Variants in PITRM1 observed in about 807,000 individuals in gnomAD.
The protein encoded by PITRM1 is presequence protease, mitochondrial.
Under a neutral mutation model 129.9 loss-of-function variants are expected in PITRM1, and 100 were observed. The ratio of observed to expected loss-of-function variants is 0.77; its 90% CI spans 0.65 to 0.91. The LOEUF is 0.91. Ranked by LOEUF, PITRM1 falls within the 40% of genes least tolerant of loss-of-function variation. PITRM1 has a pLI of 0.00. For synonymous variants in PITRM1, 591 were observed against 508.8 expected, an observed-to-expected ratio of 1.16 and a Z score of -2.17; for missense variants, 1,471 against 1,318.3, an observed-to-expected ratio of 1.12 and a Z score of -1.79.
rs1290108291 is a variant in PITRM1 at position 3,137,991 on chromosome 10, T to C, written c.*40A>G. ...ACTTTTCATATTCAGCTCGGAGGTG[T>C]ATTGTCTCGGGCTCCTGTGCAGTCG... On this transcript the variant is annotated 3_prime_UTR_variant, in exon 27 of 27. Transcript: ENST00000224949. 1.7e-6 allele frequency: 2 copies of C among 1,149,230 alleles called. No homozygotes were observed. The highest frequency in any genetic ancestry group is 1.3e-5 in the South Asian group (1 of 76,294). The allele number at this position is 1,149,230 out of a possible 1,614,324, so 71.2% of individuals were successfully genotyped here.
chr10:3,171,686 G>A (rs971894564), intron 1 of PITRM1, among the ~76,000 whole-genome samples: 1 of 152,278 alleles, frequency 6.6e-6, no homozygotes, highest in African/African-American at 2.4e-5. Context: ...TGGTCTGCCC[G>A]CCTTGGCCTC....
chr10:3,155,555 G>A lies in PITRM1; in HGVS notation c.1621+36C>T, dbSNP rs754060573. The A allele has an allele frequency of 9.6e-5, 155 of 1,612,528 alleles. No individual in the cohort carries two copies. In the Admixed American group the frequency reaches 2.6e-3, roughly 27 times the overall value. On this transcript the variant is annotated intron_variant, in intron 14 of 26. Transcript: ENST00000224949. ...ACAAGTCCACTAGGCCCGAGTGCAG[G>A]TTAGGGACTCGCCAGCTCGGAAGGA...
In PITRM1 at chr10:3,171,146, TTAAAAAA is replaced by T. The variant is rs1259357925; in HGVS notation, c.57-947_57-941del. Among the ~76,000 whole-genome samples, 34 of 36,260 alleles carry T rather than the reference TTAAAAAA, an allele frequency of 9.4e-4. 1 individual carries two copies. The highest frequency in any genetic ancestry group is 0.017 in the Middle Eastern group (1 of 58). The allele number at this position is 36,260 out of a possible 152,430, so 23.8% of individuals were successfully genotyped here. A position where few individuals can be genotyped will look rare whatever the true frequency, so the allele number is the denominator to read the frequency against. ...GATAAAGTGCGGACTAATCGTTCAA[TTAAAAAA>T]AAAAAAAAAAAAAAAAAAAAAAAAA... On this transcript the variant is annotated intron_variant, in intron 1 of 26. Transcript: ENST00000224949.
intron 23 of PITRM1, among the ~76,000 whole-genome samples, chr10:3,142,025 C>T (rs1461967908): frequency 3.3e-5 from 5 of 152,146 alleles, no homozygotes; most frequent in Admixed American, 3.3e-4. Flanking sequence ...AACATGCTCA[C>T]TTTTGAAAGA....
At chr10:3,143,299 G>A (rs1477998518) in intron 23 of PITRM1, 90 bp downstream of exon 23, 2 of 795,296 alleles carry the variant, frequency 2.5e-6, no homozygotes, top group East Asian at 2.6e-5. Flanking sequence ...GACTTTTCCT[G>A]TGCTAAAACA....
Position 3,159,044 on chromosome 10 carries a change from T to C in PITRM1, c.1008-2A>G. The C allele has an allele frequency of 1.2e-6, 2 of 1,604,648 alleles. No homozygotes were observed. The highest frequency in any genetic ancestry group is 1.7e-6 in the Non-Finnish European group (2 of 1,177,022). On this transcript the variant is annotated splice_acceptor_variant, in intron 9 of 26. Coordinates refer to ENST00000224949, the MANE Select transcript of PITRM1 (RefSeq NM_014889.4). LOFTEE classifies it high-confidence loss of function. ...AAGGCTTCAAATGTGTCGGTGATGC[T>C]GCATTGAAAAAAAAAGGAACGGGGA...
At chr10:3,139,082 T>C (rs1839920979) in intron 24 of PITRM1, 33 bp from the exon 25 acceptor site, 1 of 1,601,148 alleles carries the variant, frequency 6.2e-7, no homozygotes, top group African/African-American at 1.3e-5. Flanking sequence ...CGGGCAAGCA[T>C]TTTACCAGTG....
rs1843210257 is a variant in PITRM1, at chr10:3,170,091, G to C, written c.159+13C>G. On this transcript the variant is annotated intron_variant, in intron 2 of 26. Coordinates refer to ENST00000224949, the MANE Select transcript of PITRM1 (RefSeq NM_014889.4). Reference sequence around the variant, plus strand: ...ATGTGGATTTATAAGGAGGTGCCGAGGACGACCCATACCTGGTTTACGGTG... The same window carrying C: ...ATGTGGATTTATAAGGAGGTGCCGACGACGACCCATACCTGGTTTACGGTG... 1 of 1,590,390 alleles carries C rather than the reference G, an allele frequency of 6.3e-7. No individual in the cohort carries two copies. Among genetic ancestry groups the C allele is most frequent in the South Asian group, 1.1e-5 (1 of 90,618 alleles).
chr10:3,158,472 C>G (rs1842155795), intron 10 of PITRM1, among the ~76,000 whole-genome samples: 2 of 152,168 alleles, frequency 1.3e-5, no homozygotes, highest in Non-Finnish European at 2.9e-5. Context: ...ATGGTGTGAA[C>G]CCGGGAGGTG....
chr10:3,143,472 C>G lies in PITRM1; in HGVS notation c.2562G>C (p.Lys854Asn), dbSNP rs779549388. 1 of 1,613,510 alleles carries G rather than the reference C, an allele frequency of 6.2e-7. No homozygotes were observed. Among genetic ancestry groups the G allele is most frequent in the African/African-American group, 1.3e-5 (1 of 74,922 alleles). ...MEPTFKPWQMKTHFLMPFPVN... is the reference protein window; with the variant it reads ...MEPTFKPWQMNTHFLMPFPVN... The stretch of plus-strand genomic sequence containing the variant: ...CCGGGAAGGGCATCAGGAAGTGAGT[C>G]TTCATCTGCCAGGGCTTGAAGGTGG... Residue 854 changes from lysine (K) to asparagine (N), a missense_variant, in exon 23 of 27, where the codon AAG (lysine) becomes AAC (asparagine). Coordinates refer to ENST00000224949, the MANE Select transcript of PITRM1 (RefSeq NM_014889.4).
intron 15 of PITRM1, 90 bp downstream of exon 15, chr10:3,151,157 C>G (rs1305658864): frequency 1.3e-6 from 1 of 761,630 alleles, no homozygotes; most frequent in African/African-American, 1.7e-5. Flanking sequence ...GGAAAACCTC[C>G]AAGACATGAC....
intron 18 of PITRM1, 49 bp from the exon 19 acceptor site, chr10:3,147,786 C>T: frequency 6.7e-7 from 1 of 1,492,906 alleles, no homozygotes; most frequent in South Asian, 1.3e-5. Context: ...TTCCTCACGT[C>T]CCTTCAGTAT....
chr10:3,140,664 G>T, intron 24 of PITRM1, 23 bp downstream of exon 24: 2 of 1,588,156 alleles, frequency 1.3e-6, no homozygotes, highest in South Asian at 1.1e-5. Context: ...GCATCCCAAT[G>T]TGTGAACTAG....
rs1588736135 is a variant in PITRM1 at position 3,171,146 on chromosome 10, T to TAAAAAAAAAAAAAAAAAAAAAA, written c.57-941_57-940insTTTTTTTTTTTTTTTTTTTTTT. 1.4e-3 allele frequency among the ~76,000 whole-genome samples: 52 copies of TAAAAAAAAAAAAAAAAAAAAAA among 36,266 alleles called. 20 individuals carry two copies. The highest frequency in any genetic ancestry group is 2.7e-3 in the South Asian group (2 of 736). The allele number at this position is 36,266 out of a possible 152,430, so 23.8% of individuals were successfully genotyped here. ...GATAAAGTGCGGACTAATCGTTCAATTAAAAAAAAAAAAAAAAAAAAAAAA... is the reference window on the plus strand; with the variant it reads ...GATAAAGTGCGGACTAATCGTTCAATAAAAAAAAAAAAAAAAAAAAAATAAAAAAAAAAAAAAAAAAAAAAAA... On this transcript the variant is annotated intron_variant, in intron 1 of 26. Coordinates refer to ENST00000224949, the MANE Select transcript of PITRM1 (RefSeq NM_014889.4).
chr10:3,139,269 G>C (rs1839942398), intron 24 of PITRM1, among the ~76,000 whole-genome samples: 1 of 152,132 alleles, frequency 6.6e-6, no homozygotes, highest in Admixed American at 6.5e-5. Context: ...TCTTAGACAA[G>C]GTCTGTCTGC....
chr10:3,153,238 G>A (rs1342483150), intron 14 of PITRM1, among the ~76,000 whole-genome samples: 1 of 152,198 alleles, frequency 6.6e-6, no homozygotes, highest in Admixed American at 6.5e-5. Context: ...AGTATACGGG[G>A]TTTTCTTAAA....
intron 25 of PITRM1, chr10:3,138,648 C>T: frequency 1.6e-6 from 1 of 618,280 alleles, no homozygotes; most frequent in Non-Finnish European, 2.9e-6. Context: ...CGTCCTCCTT[C>T]CACCCTAAAG....
chr10:3,171,143 CAATTAAAAAAAAAA>C (rs1843299290), intron 1 of PITRM1, among the ~76,000 whole-genome samples: 1 of 22,480 alleles, frequency 4.4e-5, no homozygotes, highest in East Asian at 1.3e-3. Context: ...ACTAATCGTT[CAATTAAAAAAAAAA>C]AAAAAAAAAA....
intron 8 of PITRM1, 93 bp from the exon 9 acceptor site, chr10:3,160,029 G>A (rs974614429): frequency 1.6e-6 from 2 of 1,234,400 alleles, no homozygotes; most frequent in Non-Finnish European, 2.3e-6. Context: ...AGCGAAACAG[G>A]CTTTCCACTA....
Sources: allele counts gnomAD v4.1 joint callset (sites outside exome capture counted in the v4.1 genomes callset), GRCh38; gene constraint gnomAD v4.1.1; transcripts MANE v1.5; gene names NCBI Gene and HGNC (gene_info 2026-07-23, HGNC 2026-07-21).